The following GSDME variants were observed in gnomAD, a reference collection of about 807,000 sequenced individuals.
GSDME encodes gasdermin E.
In GSDME, 44 loss-of-function variants were observed where a neutral mutation model predicts 47.5. The observed-to-expected ratio is 0.93, with a 90% CI of 0.73 to 1.19. The LOEUF is 1.19. Ranked by LOEUF, GSDME falls within the 50% of genes most tolerant of loss-of-function variation. The pLI is 0.00. For missense variants in GSDME, 663 were observed against 604.2 expected, an observed-to-expected ratio of 1.10 and a Z score of -1.02; for synonymous variants, 258 against 252.8, an observed-to-expected ratio of 1.02 and a Z score of -0.20.
In GSDME at chr7:24,732,202, G is replaced by A. The variant is rs929489164; in HGVS notation, c.404+12360C>T. Among the ~76,000 whole-genome samples, 1 of 152,366 alleles carries A rather than the reference G, an allele frequency of 6.6e-6. No homozygotes were observed. The highest frequency in any genetic ancestry group is 1.5e-5 in the Non-Finnish European group (1 of 68,034). On this transcript the variant is annotated intron_variant, in intron 3 of 9. Transcript: ENST00000645220. This position sits in a 1 kb window ranked among gnomAD's most constrained non-coding sequence, Gnocchi z 4.8. ...TACTAAAAATAATGATTCCAGTGCT[G>A]AGTAAAGCACAAAGACAAATGGGAT...
At position 24,725,520 on chromosome 7, in the gene GSDME, C is replaced by T. The variant is rs1277702729; in HGVS notation, c.405-6302G>A. 1.3e-5 allele frequency among the ~76,000 whole-genome samples: 2 copies of T among 152,058 alleles called. No homozygotes were observed. The highest frequency in any genetic ancestry group is 4.2e-4 in the South Asian group (2 of 4,818). ...GTCGGCAAGACTCCTGTCTCAAGAGCCAAGCTCTTGAGTGAGCAATTCCTG... is the reference window on the plus strand; with the variant it reads ...GTCGGCAAGACTCCTGTCTCAAGAGTCAAGCTCTTGAGTGAGCAATTCCTG... On this transcript the variant is annotated intron_variant, in intron 3 of 9. Coordinates refer to ENST00000645220, the MANE Select transcript of GSDME (RefSeq NM_001127453.2). This position sits in a 1 kb window ranked among gnomAD's most constrained non-coding sequence, Gnocchi z 5.1.
At chr7:24,717,452 G>C (rs555914756) in intron 4 of GSDME, 78 bp from the exon 5 acceptor site, 2 of 1,602,458 alleles carry the variant, frequency 1.2e-6, no homozygotes, top group East Asian at 4.5e-5. Flanking sequence ...AGCCAGCCTC[G>C]TGCCTTATAC....
chr7:24,781,143 A>G, the GSDME span, among the ~76,000 whole-genome samples: 1 of 152,302 alleles, frequency 6.6e-6, no homozygotes, highest in South Asian at 2.1e-4. Flanking sequence ...TCCCTTTCCA[A>G]GGAGATCAAC....
At chr7:24,703,786 T>A (rs1788981233) in intron 8 of GSDME, 1 of 152,322 alleles carries the variant, frequency 6.6e-6, no homozygotes, top group Non-Finnish European at 1.5e-5. Flanking sequence ...AATGTGGTAT[T>A]CAAATGTGTA....
rs879843678 is a variant in GSDME at position 24,705,997 on chromosome 7, C to CCCTTT, written c.1183+186_1183+187insAAAGG. ...GAGGCTTGTGCTGGATGGAAAGGCA[C>CCCTTT]AGACTCGAGACCGAAGGGGGGTTTC... On this transcript the variant is annotated intron_variant, in intron 8 of 9. Coordinates refer to ENST00000645220, the MANE Select transcript of GSDME (RefSeq NM_001127453.2). This position sits in a 1 kb window ranked among gnomAD's most constrained non-coding sequence, Gnocchi z 4.1. 4,179 of 724,114 alleles carry CCCTTT rather than the reference C, an allele frequency of 5.8e-3. 121 individuals are homozygous for CCCTTT. The African/African-American group carries it at 0.064, about 11-fold the overall frequency. The allele number at this position is 724,114 out of a possible 1,614,324, so 44.9% of individuals were successfully genotyped here.
intron 6 of GSDME, 81 bp from the exon 7 acceptor site, chr7:24,708,335 C>G: frequency 1.3e-6 from 2 of 1,528,744 alleles, no homozygotes; most frequent in Non-Finnish European, 1.8e-6. Context: ...GCTTTTTATA[C>G]CTAATCGTCA....
chr7:24,753,423 A>T (rs1790918214), intron 1 of GSDME, among the ~76,000 whole-genome samples: 1 of 152,188 alleles, frequency 6.6e-6, no homozygotes, highest in South Asian at 2.1e-4. Flanking sequence ...GTTGCTGACC[A>T]CTTGGGTTAT....
intron 3 of GSDME, among the ~76,000 whole-genome samples, chr7:24,734,007 C>A (rs1790223606): frequency 6.6e-6 from 1 of 152,202 alleles, no homozygotes; most frequent in Admixed American, 6.5e-5. Context: ...TCAGTTCTGA[C>A]CAGTGCAGTC....
rs1789544869 is a variant in GSDME, at chr7:24,716,145, T to C, written c.697+1109A>G. Among the ~76,000 whole-genome samples the C allele has an allele frequency of 6.6e-6, 1 of 152,200 alleles. No individual in the cohort carries two copies. Among genetic ancestry groups the C allele is most frequent in the Admixed American group, 6.5e-5 (1 of 15,280 alleles). ...GAGAAGCAGGAGGCAGCAGCAGGCA[T>C]GTGCGTGGTCTATCACGGCCCTTTT... On this transcript the variant is annotated intron_variant, in intron 5 of 9. Coordinates refer to ENST00000645220, the MANE Select transcript of GSDME (RefSeq NM_001127453.2). This position sits in a 1 kb window ranked among gnomAD's most constrained non-coding sequence, Gnocchi z 4.5.
the GSDME span, among the ~76,000 whole-genome samples, chr7:24,789,722 A>G: frequency 6.6e-6 from 1 of 152,176 alleles, no homozygotes; most frequent in South Asian, 2.1e-4. Context: ...GCATAAGACA[A>G]TATGAGGAGT....
chr7:24,768,784 A>C, the GSDME span, among the ~76,000 whole-genome samples: 1 of 152,250 alleles, frequency 6.6e-6, no homozygotes, highest in Non-Finnish European at 1.5e-5. This position sits in a 1 kb window ranked among gnomAD's most constrained non-coding sequence, Gnocchi z 5.6. Flanking sequence ...AATGGCTTTC[A>C]TCAGCAGTTC....
At chr7:24,769,007 G>A in the GSDME span, among the ~76,000 whole-genome samples, 1 of 152,198 alleles carries the variant, frequency 6.6e-6, no homozygotes, top group Non-Finnish European at 1.5e-5. Flanking sequence ...TAGAGCTCAT[G>A]CTCTAATGGG....
chr7:24,756,282 G>A lies in GSDME; in HGVS notation c.-20+1114C>T, dbSNP rs1458226802. 6.6e-6 allele frequency among the ~76,000 whole-genome samples: 1 copy of A among 152,136 alleles called. No individual in the cohort carries two copies. The highest frequency in any genetic ancestry group is 1.5e-5 in the Non-Finnish European group (1 of 68,014). ...ACGGGTGTATGGGAGGATCCCTTGA[G>A]CCCAGGAATTCAAGGCTGCAGTGAG... On this transcript the variant is annotated intron_variant, in intron 1 of 9. Coordinates refer to ENST00000645220, the MANE Select transcript of GSDME (RefSeq NM_001127453.2). This position sits in a 1 kb window ranked among gnomAD's most constrained non-coding sequence, Gnocchi z 4.2.
At chr7:24,713,550 C>T (rs1356682404) in intron 5 of GSDME, among the ~76,000 whole-genome samples, 1 of 152,214 alleles carries the variant, frequency 6.6e-6, no homozygotes, top group Non-Finnish European at 1.5e-5. Context: ...GAGAGAGGCG[C>T]AGCAGGCCTG....
At chr7:24,702,397 C>CTT (rs1262409358) in intron 9 of GSDME, 10 of 356,476 alleles carry the variant, frequency 2.8e-5, no homozygotes, top group Non-Finnish European at 5.5e-5. Flanking sequence ...TCAAACCAGT[C>CTT]TTAGCACAAA....
chr7:24,764,347 C>T, the GSDME span, among the ~76,000 whole-genome samples: 11 of 152,178 alleles, frequency 7.2e-5, no homozygotes, highest in South Asian at 2.1e-4. This position sits in a 1 kb window ranked among gnomAD's most constrained non-coding sequence, Gnocchi z 4.4. Flanking sequence ...TGAAAGCTTT[C>T]GTTTCAAACT....
intron 3 of GSDME, among the ~76,000 whole-genome samples, chr7:24,740,913 C>T (rs1044668549): frequency 6.6e-6 from 1 of 152,106 alleles, no homozygotes; most frequent in Non-Finnish European, 1.5e-5. Flanking sequence ...CCTCCTCAAT[C>T]CCCAAATAGC....
chr7:24,710,302 C>G lies in GSDME; in HGVS notation c.784G>C (p.Glu262Gln), dbSNP rs193228459. The change falls in exon 6 of 10, where the codon GAG becomes CAG. Residue 262 changes from glutamate (E) to glutamine (Q), a missense_variant. Glu to Gln is a conservative substitution (Grantham distance 29). Transcript: ENST00000645220. ...TCTGGCATGTCTATGAATGCAAACT[C>G]TCGAAAGACCAGGGGGTCCAGGTAG... is the stretch of plus-strand genomic sequence containing the variant. ...SVYLDPLVFR[E>Q]FAFIDMPDAA... 3 of 1,614,250 alleles carry G rather than the reference C, an allele frequency of 1.9e-6. No individual in the cohort carries two copies. Among genetic ancestry groups the G allele is most frequent in the African/African-American group, 1.3e-5 (1 of 75,064 alleles).
intron 3 of GSDME, 66 bp from the exon 4 acceptor site, chr7:24,719,284 C>T: frequency 6.5e-7 from 1 of 1,538,632 alleles, no homozygotes; most frequent in Non-Finnish European, 8.9e-7. Flanking sequence ...TGTGAATTTC[C>T]TCTTGCACAG....
Sources: gnomAD v4.1 joint callset for allele counts (sites outside exome capture counted in the v4.1 genomes callset) on GRCh38, gnomAD v4.1.1 for gene constraint, Gnocchi (gnomAD v3.1) non-coding constraint, MANE v1.5 for transcripts, NCBI Gene and HGNC (gene_info 2026-07-23, HGNC 2026-07-21) for gene names.